CNTNAP2: variants seen among roughly 807,000 people sequenced by gnomAD.
CNTNAP2 encodes contactin associated protein 2, also known as contactin-associated protein-like 2.
In CNTNAP2, 98 loss-of-function variants were observed where a neutral mutation model predicts 155.2. The observed-to-expected ratio is 0.63, with a 90% CI of 0.54 to 0.75. The LOEUF is 0.75. CNTNAP2 is among the 30% of genes least tolerant of loss of function. CNTNAP2 has a pLI of 0.00. For missense variants in CNTNAP2, 1,727 were observed against 1,688.1 expected, an observed-to-expected ratio of 1.02 and a Z score of -0.40; for synonymous variants, 651 against 631.2, an observed-to-expected ratio of 1.03 and a Z score of -0.47.
chr7:147,880,691 G>C (rs540871107), intron 13 of CNTNAP2, among the ~76,000 whole-genome samples: 2 of 152,138 alleles, frequency 1.3e-5, no homozygotes, highest in Non-Finnish European at 2.9e-5. Flanking sequence ...TAGGTTAAGT[G>C]TAAAGACTGT....
intron 13 of CNTNAP2, among the ~76,000 whole-genome samples, chr7:147,736,597 A>T (rs4342511): frequency 1.3e-5 from 2 of 151,920 alleles, no homozygotes; most frequent in Admixed American, 1.3e-4. Flanking sequence ...AGTTCTCCTG[A>T]ATAATATTCT....
chr7:147,314,396 C>T (rs1297488110), intron 9 of CNTNAP2, among the ~76,000 whole-genome samples: 3 of 151,826 alleles, frequency 2.0e-5, no homozygotes, highest in Non-Finnish European at 4.4e-5. Flanking sequence ...CTAGATCTTT[C>T]TATCTCATTC....
chr7:147,666,689 A>G (rs757182182), intron 13 of CNTNAP2, among the ~76,000 whole-genome samples: 23 of 152,318 alleles, frequency 1.5e-4, no homozygotes, highest in Middle Eastern at 6.8e-3. Flanking sequence ...TTAATTACAC[A>G]TTATTTTATT....
chr7:146,587,794 T>A (rs188761235), intron 1 of CNTNAP2, among the ~76,000 whole-genome samples: 95 of 152,156 alleles, frequency 6.2e-4, no homozygotes, highest in African/African-American at 2.3e-3. Flanking sequence ...TGCCTCAGCC[T>A]CCTGAGTAGC....
chr7:147,327,597 C>G (rs376262112), intron 9 of CNTNAP2, among the ~76,000 whole-genome samples: 1 of 152,144 alleles, frequency 6.6e-6, no homozygotes, highest in Non-Finnish European at 1.5e-5. Flanking sequence ...TGTGGGAAAG[C>G]TGTTCTGCAT....
chr7:146,933,840 A>G (rs1193159183), intron 3 of CNTNAP2, among the ~76,000 whole-genome samples: 1 of 152,224 alleles, frequency 6.6e-6, no homozygotes, highest in Non-Finnish European at 1.5e-5. Context: ...ACATGAAAAA[A>G]TGCTCACCAT....
rs547217930 is a variant in CNTNAP2 at position 147,232,410 on chromosome 7, G to A, written c.1349-67731G>A. 3.9e-5 allele frequency among the ~76,000 whole-genome samples: 6 copies of A among 152,262 alleles called. No individual in the cohort carries two copies. The South Asian group carries it at 1.2e-3, about 32-fold the overall frequency. The stretch of plus-strand genomic sequence containing the variant: ...AACGCTCCTGGGAAATAACAAAGCT[G>A]GAGGCATCACAGTCCTTGCTTTCAA... On this transcript the variant is annotated intron_variant, in intron 8 of 23. Coordinates refer to ENST00000361727, the MANE Select transcript of CNTNAP2 (RefSeq NM_014141.6).
intron 1 of CNTNAP2, among the ~76,000 whole-genome samples, chr7:146,711,303 GTATA>G (rs964368148): frequency 5.0e-4 from 73 of 145,134 alleles, no homozygotes; most frequent in Non-Finnish European, 9.5e-4. Flanking sequence ...ATACATATAT[GTATA>G]TATTATATGT....
intron 9 of CNTNAP2, among the ~76,000 whole-genome samples, chr7:147,343,166 A>G (rs954743020): frequency 6.6e-6 from 1 of 152,098 alleles, no homozygotes; most frequent in Admixed American, 6.6e-5. Context: ...AAGCAGTTCA[A>G]CCAAGAAAAA....
At chr7:148,018,888 A>T (rs957920871) in intron 15 of CNTNAP2, among the ~76,000 whole-genome samples, 1 of 152,268 alleles carries the variant, frequency 6.6e-6, no homozygotes, top group Non-Finnish European at 1.5e-5. Context: ...GAAGTAGGTC[A>T]TAATATCCAT....
intron 20 of CNTNAP2, among the ~76,000 whole-genome samples, chr7:148,257,496 G>A (rs764461079): frequency 9.9e-5 from 15 of 152,112 alleles, no homozygotes; most frequent in Non-Finnish European, 2.2e-4. Flanking sequence ...GGTAGACAAC[G>A]TGACCTCTAA....
chr7:146,290,656 G>A (rs1192168135), intron 1 of CNTNAP2, among the ~76,000 whole-genome samples: 1 of 152,156 alleles, frequency 6.6e-6, no homozygotes, highest in African/African-American at 2.4e-5. Context: ...ACTGTAAAGA[G>A]CGTGTATTTG....
At chr7:146,622,604 G>A (rs759341417) in intron 1 of CNTNAP2, among the ~76,000 whole-genome samples, 3 of 151,992 alleles carry the variant, frequency 2.0e-5, no homozygotes, top group Non-Finnish European at 2.9e-5. Context: ...CAATTACCAT[G>A]TCAATCATTC....
intron 3 of CNTNAP2, among the ~76,000 whole-genome samples, chr7:146,996,750 T>C (rs1456846459): frequency 1.3e-5 from 2 of 152,096 alleles, no homozygotes; most frequent in Non-Finnish European, 2.9e-5. Flanking sequence ...ACCATGTTAA[T>C]AGAAGCGGTG....
chr7:146,721,200 AT>A (rs1801295974), intron 1 of CNTNAP2, among the ~76,000 whole-genome samples: 1 of 132,900 alleles, frequency 7.5e-6, no homozygotes, highest in Admixed American at 8.0e-5. Flanking sequence ...CTCTATATAT[AT>A]TCTCTGTATA....
chr7:147,918,989 G>T (rs1354533112), intron 14 of CNTNAP2, among the ~76,000 whole-genome samples: 1 of 152,136 alleles, frequency 6.6e-6, no homozygotes, highest in African/African-American at 2.4e-5. Flanking sequence ...TGGGTGCCCA[G>T]TCAAAGCACA....
At chr7:146,995,781 A>T (rs558763083) in intron 3 of CNTNAP2, among the ~76,000 whole-genome samples, 25 of 152,138 alleles carry the variant, frequency 1.6e-4, no homozygotes, top group Non-Finnish European at 2.8e-4. Flanking sequence ...TGTGTAGTTA[A>T]CCAGATGTAT....
intron 14 of CNTNAP2, among the ~76,000 whole-genome samples, chr7:147,923,557 A>G (rs1800324041): frequency 6.6e-6 from 1 of 152,122 alleles, no homozygotes. Context: ...TCTGTCACCC[A>G]GGCTGAAATG....
At chr7:146,345,367 G>C (rs992735615) in intron 1 of CNTNAP2, among the ~76,000 whole-genome samples, 1 of 152,142 alleles carries the variant, frequency 6.6e-6, no homozygotes, top group Non-Finnish European at 1.5e-5. Context: ...GCATGTTAGG[G>C]TCCTTTGGGT....
Sources: gnomAD v4.1 joint callset for allele counts (sites outside exome capture counted in the v4.1 genomes callset) on GRCh38, gnomAD v4.1.1 for gene constraint, MANE v1.5 for transcripts, NCBI Gene and HGNC (gene_info 2026-07-23, HGNC 2026-07-21) for gene names.